The following PLCH2 variants were observed in gnomAD, a reference collection of about 807,000 sequenced individuals.
The protein encoded by PLCH2 is phospholipase C eta 2.
Under a neutral mutation model 134.7 loss-of-function variants are expected in PLCH2, and 98 were observed. That is an observed-to-expected ratio of 0.73 (90% CI 0.62 to 0.86). The LOEUF (loss-of-function observed/expected upper bound fraction) is 0.86, where lower values mean the gene tolerates loss of function less well. Ranked by LOEUF, PLCH2 falls within the 40% of genes least tolerant of loss-of-function variation. The probability of loss-of-function intolerance (pLI) is 0.00; values close to 1 mark genes in which losing one functional copy is unlikely to be tolerated. For synonymous variants in PLCH2, 974 were observed against 827.5 expected, an observed-to-expected ratio of 1.18 and a Z score of -3.04; for missense variants, 1,994 against 1,986.6, an observed-to-expected ratio of 1.00 and a Z score of -0.07.
intron 4 of PLCH2, among the ~76,000 whole-genome samples, chr1:2,481,645 G>C (rs554223037): frequency 6.6e-6 from 1 of 152,380 alleles, no homozygotes; most frequent in East Asian, 1.9e-4. Flanking sequence ...GGCGGAAGCA[G>C]GGACAGTCTG....
chr1:2,446,404 T>C (rs1312219239), intron 2 of PLCH2, among the ~76,000 whole-genome samples: 1 of 152,126 alleles, frequency 6.6e-6, no homozygotes, highest in Non-Finnish European at 1.5e-5. Flanking sequence ...CTCCCGGGGC[T>C]GGGGGTGGGG....
upstream of PLCH2, among the ~76,000 whole-genome samples, chr1:2,466,904 G>A (rs538236654): frequency 5.7e-4 from 87 of 152,210 alleles, 1 homozygote; most frequent in African/African-American, 2.0e-3. Flanking sequence ...GGCTGCAGCC[G>A]TCACCGTCAC....
At chr1:2,463,584 G>A (rs932737195), upstream of PLCH2, among the ~76,000 whole-genome samples, 8 of 152,340 alleles carry the variant, frequency 5.3e-5, no homozygotes, top group South Asian at 4.1e-4. Flanking sequence ...GGCGGGAGGC[G>A]GTTTCTCAGG....
upstream of PLCH2, among the ~76,000 whole-genome samples, chr1:2,423,071 C>T (rs1212981911): frequency 3.9e-5 from 6 of 152,126 alleles, no homozygotes; most frequent in African/African-American, 9.7e-5. Flanking sequence ...ACAAGTTTTC[C>T]AAAATGCTGA....
At chr1:2,447,141 C>T (rs940492190) in intron 2 of PLCH2, among the ~76,000 whole-genome samples, 1 of 152,208 alleles carries the variant, frequency 6.6e-6, no homozygotes, top group Non-Finnish European at 1.5e-5. Flanking sequence ...GCCTTCTGAG[C>T]TCCCAGTGCA....
chr1:2,428,608 TGTGCCAGC>T (rs1200373324), intron 1 of PLCH2, among the ~76,000 whole-genome samples: 4 of 152,254 alleles, frequency 2.6e-5, no homozygotes, highest in African/African-American at 9.6e-5. Context: ...TAGGTTGGAC[TGTGCCAGC>T]CCCAGCGGAG....
At chr1:2,428,869 G>A (rs1168155454) in intron 1 of PLCH2, among the ~76,000 whole-genome samples, 1 of 152,266 alleles carries the variant, frequency 6.6e-6, no homozygotes, top group Non-Finnish European at 1.5e-5. Context: ...AGAGGCTCCG[G>A]AGAGAGGGCT....
chr1:2,496,693 T>A lies in PLCH2; in HGVS notation c.1922T>A (p.Ile641Lys), dbSNP rs773150907. 6.2e-7 allele frequency: 1 copy of A among 1,611,876 alleles called. No individual in the cohort carries two copies. Residue 641 changes from isoleucine (I) to lysine (K), a missense_variant, in exon 14 of 22, where the codon ATA becomes AAA. Ile to Lys is a moderately radical substitution (Grantham distance 102, BLOSUM62 -3). Around this residue, in one of 2 missense-constraint regions of PLCH2, gnomAD observed 1,094 missense variants for 1,234.3 expected, o/e 0.89. Transcript: ENST00000378486. ...KYTKSVATHD[I>K]EMEAASSWQV... ...ACCAAGTCCGTGGCCACCCACGACATAGAGATGGAGGGTGAGTGGCTCGGG... is the reference window on the plus strand; with the variant it reads ...ACCAAGTCCGTGGCCACCCACGACAAAGAGATGGAGGGTGAGTGGCTCGGG...
upstream of PLCH2, among the ~76,000 whole-genome samples, chr1:2,421,110 A>G (rs1638496074): frequency 6.6e-6 from 1 of 151,938 alleles, no homozygotes; most frequent in South Asian, 2.1e-4. Context: ...ACGCCTGGCT[A>G]ATTTTTGTAT....
chr1:2,417,294 G>A, the PLCH2 span, among the ~76,000 whole-genome samples: 1 of 152,166 alleles, frequency 6.6e-6, no homozygotes, highest in Non-Finnish European at 1.5e-5. Flanking sequence ...GGACTTCCTG[G>A]AGGAAGAGAC....
At chr1:2,472,883 G>A (rs1262243909), upstream of PLCH2, among the ~76,000 whole-genome samples, 5 of 152,246 alleles carry the variant, frequency 3.3e-5, no homozygotes, top group African/African-American at 9.6e-5. Flanking sequence ...GAGGGGCTGC[G>A]GTACCCAAAG....
At position 2,504,444 on chromosome 1, in the gene PLCH2, C is replaced by T; in HGVS notation, c.3482C>T (p.Pro1161Leu). 1.2e-6 allele frequency: 2 copies of T among 1,612,666 alleles called. No individual in the cohort carries two copies. The highest frequency in any genetic ancestry group is 1.7e-6 in the Non-Finnish European group (2 of 1,179,780). Reference sequence around the variant, plus strand: ...GACACTGTCATTGACCTCTCCCTGCCCAGCCTGGGCCTGGGCCGCAGCCGT... The same window carrying T: ...GACACTGTCATTGACCTCTCCCTGCTCAGCCTGGGCCTGGGCCGCAGCCGT... ...SSDTVIDLSL[P>L]SLGLGRSREN... is the part of the protein sequence containing the mutation. The change falls in exon 22 of 22, where the codon CCC becomes CTC. Residue 1161 changes from proline (P) to leucine (L), a missense_variant. Physicochemically the swap from Pro to Leu is moderately conservative, Grantham distance 98 (BLOSUM62 -3). This residue lies in a region of PLCH2 where 900 missense variants were observed against 752.3 expected (regional missense o/e 1.20). Coordinates refer to ENST00000378486, the MANE Select transcript of PLCH2 (RefSeq NM_014638.4).
chr1:2,433,094 C>T (rs562547996), intron 2 of PLCH2, among the ~76,000 whole-genome samples: 1 of 152,344 alleles, frequency 6.6e-6, no homozygotes, highest in Admixed American at 6.5e-5. Flanking sequence ...CCCCACTGAA[C>T]TCAGAGGTGG....
At chr1:2,473,067 A>G (rs1305977592), upstream of PLCH2, among the ~76,000 whole-genome samples, 1 of 151,984 alleles carries the variant, frequency 6.6e-6, no homozygotes, top group Non-Finnish European at 1.5e-5. Context: ...TGTTAGGACA[A>G]GATCGATCTC....
the PLCH2 span, among the ~76,000 whole-genome samples, chr1:2,418,998 C>G: frequency 1.3e-5 from 2 of 152,236 alleles, no homozygotes; most frequent in South Asian, 4.1e-4. Context: ...GCTCACCTCC[C>G]CATCCTCGGG....
In PLCH2 at chr1:2,491,205, GA is replaced by G; in HGVS notation, c.1532del (p.Lys511SerfsTer3). Reference protein sequence around the residue: ...KLLNGDASTNRKRVENTAKRK... With the variant: ...KLLNGDASTNXKRVENTAKRK... ...TGGCTCCTGCAGGCATCCACCAATC[GA>G]AAGCGTGTAGAAAACACTGCTAAGA... is the stretch of plus-strand genomic sequence containing the variant. On this transcript the variant is annotated frameshift_variant, in exon 11 of 22. Transcript: ENST00000378486. LOFTEE classifies it high-confidence loss of function. 1.2e-6 allele frequency: 2 copies of G among 1,612,424 alleles called. No homozygotes were observed. The highest frequency in any genetic ancestry group is 1.7e-6 in the Non-Finnish European group (2 of 1,179,546).
chr1:2,458,449 G>T (rs1640606338), intron 2 of PLCH2, among the ~76,000 whole-genome samples: 1 of 152,190 alleles, frequency 6.6e-6, no homozygotes, highest in Non-Finnish European at 1.5e-5. Context: ...TCCCCCTTGG[G>T]CACTGGCCTG....
chr1:2,484,549 G>A lies in PLCH2; in HGVS notation c.747G>A (p.Leu249=). The A allele has an allele frequency of 6.2e-7, 1 of 1,613,202 alleles. No homozygotes were observed. Among genetic ancestry groups the A allele is most frequent in the Non-Finnish European group, 8.5e-7 (1 of 1,179,806 alleles). The part of the protein sequence containing the change: ...STRRDLYLLM[L]TYSNHKDHLD... The stretch of plus-strand genomic sequence containing the variant: ...GCCGGGACCTCTACCTGCTCATGCT[G>A]ACCTACAGCAACCACAAGGACCACC... The change falls in exon 5 of 22, where the codon CTG becomes CTA. Residue 249 remains leucine, a synonymous_variant. Transcript: ENST00000378486.
At position 2,505,247 on chromosome 1, in the gene PLCH2, G is replaced by GC; in HGVS notation, c.*37dup. ...GGTGGGAACCTGGGCGGCTCTGGAG[G>GC]CCCAGGGCAGGGGTGGGCGTGTTGT... On this transcript the variant is annotated 3_prime_UTR_variant, in exon 22 of 22. Coordinates refer to ENST00000378486, the MANE Select transcript of PLCH2 (RefSeq NM_014638.4). The GC allele has an allele frequency of 6.7e-7, 1 of 1,496,624 alleles. No individual in the cohort carries two copies. The highest frequency in any genetic ancestry group is 9.0e-7 in the Non-Finnish European group (1 of 1,113,178). 92.7% of individuals were successfully genotyped at this position (1,496,624 alleles called of 1,614,324 possible).
Sources: gnomAD v4.1 joint callset for allele counts (sites outside exome capture counted in the v4.1 genomes callset) on GRCh38, gnomAD v4.1.1 for gene constraint, gnomAD v4.1.1 regional missense constraint, MANE v1.5 for transcripts, NCBI Gene and HGNC (gene_info 2026-07-23, HGNC 2026-07-21) for gene names.